MBD5: variants seen among roughly 807,000 people sequenced by gnomAD.
MBD5 encodes the protein methyl-CpG binding domain protein 5, also known as methyl-CpG-binding domain protein 5.
Under a neutral mutation model 117.3 loss-of-function variants are expected in MBD5, and 13 were observed. That is an observed-to-expected ratio of 0.11 (90% CI 0.07 to 0.18). MBD5 has a LOEUF of 0.18. Among genes scored for constraint, MBD5 ranks in the 10% least tolerant of loss-of-function variants. MBD5 has a pLI of 1.00. For missense variants in MBD5, 1,879 were observed against 2,093.8 expected (o/e 0.90, Z 2.00); for synonymous variants, 727 against 766.4 (o/e 0.95, Z 0.85).
At chr2:148,100,189 G>A (rs1400095815) in intron 1 of MBD5, among the ~76,000 whole-genome samples, 2 of 152,106 alleles carry the variant, frequency 1.3e-5, no homozygotes, top group African/African-American at 4.8e-5. Flanking sequence ...TCACTGGGGA[G>A]GAAGAATGTG....
In MBD5 at chr2:148,458,465, A is replaced by C; in HGVS notation, c.-294A>C. 1.7e-6 allele frequency: 1 copy of C among 580,504 alleles called. No individual in the cohort carries two copies. Among genetic ancestry groups the C allele is most frequent in the South Asian group, 2.3e-5 (1 of 43,426 alleles). The allele number at this position is 580,504 out of a possible 1,614,324, so 36.0% of individuals were successfully genotyped here. A position where few individuals can be genotyped will look rare whatever the true frequency, so the allele number is the denominator to read the frequency against. Reference sequence around the variant, plus strand: ...ACCCCCACTTCAGACAGGTACCAGCATTGGTGAATTATGATTTTCCTTAGT... The same window carrying C: ...ACCCCCACTTCAGACAGGTACCAGCCTTGGTGAATTATGATTTTCCTTAGT... On this transcript the variant is annotated 5_prime_UTR_variant, in exon 5 of 14. Coordinates refer to ENST00000642680, the MANE Select transcript of MBD5 (RefSeq NM_001378120.1).
intron 2 of MBD5, among the ~76,000 whole-genome samples, chr2:148,218,711 T>C (rs1441359449): frequency 6.6e-6 from 1 of 152,210 alleles, no homozygotes; most frequent in Non-Finnish European, 1.5e-5. Flanking sequence ...TTGTACTGAA[T>C]ACTGTAGAGA....
chr2:148,288,934 T>A (rs1701433748), intron 3 of MBD5, among the ~76,000 whole-genome samples: 1 of 152,202 alleles, frequency 6.6e-6, no homozygotes, highest in Non-Finnish European at 1.5e-5. Flanking sequence ...TAACCTGCAG[T>A]GATCTCTCTC....
At chr2:148,367,091 C>T (rs543500299) in intron 4 of MBD5, among the ~76,000 whole-genome samples, 2 of 152,234 alleles carry the variant, frequency 1.3e-5, no homozygotes, top group South Asian at 2.1e-4. Flanking sequence ...TACAAGGCTA[C>T]AGTAATGAAA....
rs577955398 is a variant in MBD5 at position 148,490,583 on chromosome 2, G to A, written c.4951G>A (p.Glu1651Lys). ...DVHNSCQQSP[E>K]EGKVEPEKLK... ...TCACAATTCATGTCAACAAAGCCCC[G>A]AGGAAGGGAAGGTATACCAATCTTT... The change falls in exon 11 of 14, where the codon GAG (glutamate) becomes AAG (lysine). Residue 1651 changes from glutamate (E) to lysine (K), a missense_variant. Physicochemically the swap from Glu to Lys is moderately conservative, Grantham distance 56 (BLOSUM62 1). Around this residue, in one of 4 missense-constraint regions of MBD5, gnomAD observed 135 missense variants for 148.0 expected, o/e 0.91. Transcript: ENST00000642680. 1.7e-5 allele frequency: 27 copies of A among 1,614,030 alleles called. No individual in the cohort carries two copies. The highest frequency in any genetic ancestry group is 3.3e-5 in the Admixed American group (2 of 59,998).
intron 3 of MBD5, among the ~76,000 whole-genome samples, chr2:148,290,010 C>A (rs1057191106): frequency 7.0e-5 from 10 of 142,942 alleles, no homozygotes; most frequent in Non-Finnish European, 9.0e-5. Flanking sequence ...GGCTGGAGTG[C>A]AGTAGCACGA....
intron 4 of MBD5, among the ~76,000 whole-genome samples, chr2:148,361,867 A>G (rs1703545364): frequency 6.6e-6 from 1 of 152,166 alleles, no homozygotes; most frequent in Non-Finnish European, 1.5e-5. Flanking sequence ...AGCCCTCCCG[A>G]CTGGGGAAGC....
intron 13 of MBD5, among the ~76,000 whole-genome samples, chr2:148,510,380 A>G (rs186718628): frequency 6.6e-6 from 1 of 152,270 alleles, no homozygotes; most frequent in Non-Finnish European, 1.5e-5. Context: ...TTCGTTTAAA[A>G]TATGAGCAGC....
chr2:148,413,219 A>G (rs1047008702), intron 4 of MBD5, among the ~76,000 whole-genome samples: 17 of 152,148 alleles, frequency 1.1e-4, no homozygotes, highest in African/African-American at 3.4e-4. Context: ...TATTAAGATG[A>G]TCATGTGAAT....
At chr2:148,205,332 C>T (rs190811922) in intron 2 of MBD5, among the ~76,000 whole-genome samples, 3 of 152,246 alleles carry the variant, frequency 2.0e-5, no homozygotes, top group Admixed American at 1.3e-4. Flanking sequence ...TCAGGTGATC[C>T]GCCTACCTTG....
intron 1 of MBD5, among the ~76,000 whole-genome samples, chr2:148,133,115 G>A (rs1697090563): frequency 1.3e-5 from 2 of 152,114 alleles, no homozygotes; most frequent in Admixed American, 1.3e-4. Context: ...AAAATTTACG[G>A]TTCATGTGTC....
intron 8 of MBD5, among the ~76,000 whole-genome samples, chr2:148,477,001 A>ATT (rs144734444): frequency 2.7e-5 from 4 of 150,724 alleles, no homozygotes; most frequent in African/African-American, 9.7e-5. Context: ...TCAAAGAGGA[A>ATT]TTTTTTAAAA....
intron 1 of MBD5, among the ~76,000 whole-genome samples, chr2:148,125,839 AT>A (rs1696875780): frequency 6.6e-6 from 1 of 152,228 alleles, no homozygotes. Context: ...AGAATGAATA[AT>A]GCTATAAAAT....
chr2:148,214,204 G>A (rs933798522), intron 2 of MBD5, among the ~76,000 whole-genome samples: 8 of 152,120 alleles, frequency 5.3e-5, no homozygotes, highest in African/African-American at 1.9e-4. Context: ...AGGCCAGACG[G>A]TAATATTTTA....
At chr2:148,155,157 A>C (rs1193785640) in intron 1 of MBD5, among the ~76,000 whole-genome samples, 1 of 152,204 alleles carries the variant, frequency 6.6e-6, no homozygotes, top group African/African-American at 2.4e-5. Context: ...TGCTAAGGAG[A>C]GCCAAGATGA....
At chr2:148,482,334 A>C (rs1430262414) in intron 8 of MBD5, among the ~76,000 whole-genome samples, 1 of 152,316 alleles carries the variant, frequency 6.6e-6, no homozygotes, top group East Asian at 1.9e-4. Context: ...TGGATTGATT[A>C]AAGTACAGTA....
intron 2 of MBD5, chr2:148,220,127 G>A (rs1273173086): frequency 1.3e-5 from 2 of 152,068 alleles, no homozygotes; most frequent in Non-Finnish European, 2.9e-5. Flanking sequence ...CACAGACCAG[G>A]TGTTTTTTCC....
intron 4 of MBD5, among the ~76,000 whole-genome samples, chr2:148,362,228 A>G (rs1703560931): frequency 6.6e-6 from 1 of 152,166 alleles, no homozygotes; most frequent in African/African-American, 2.4e-5. Flanking sequence ...GCAAGCTAAG[A>G]TCCACTGGCT....
intron 1 of MBD5, among the ~76,000 whole-genome samples, chr2:148,035,566 T>G (rs938872431): frequency 6.6e-6 from 1 of 152,214 alleles, no homozygotes; most frequent in Non-Finnish European, 1.5e-5. Flanking sequence ...GCTCCCCAAC[T>G]TGGTTAATGT....
Sources: allele counts gnomAD v4.1 joint callset (sites outside exome capture counted in the v4.1 genomes callset), GRCh38; gene constraint gnomAD v4.1.1; regional missense constraint gnomAD v4.1.1; transcripts MANE v1.5; gene names NCBI Gene and HGNC (gene_info 2026-07-23, HGNC 2026-07-21).